FLNB: variants seen among roughly 807,000 people sequenced by gnomAD.
FLNB encodes the protein filamin B, also known as filamin-B.
Under a neutral mutation model 250.6 loss-of-function variants are expected in FLNB, and 111 were observed. The ratio of observed to expected loss-of-function variants is 0.44; its 90% CI spans 0.38 to 0.52. FLNB has a LOEUF of 0.52. FLNB is among the 20% of genes least tolerant of loss of function. The pLI is 0.00. For synonymous variants in FLNB, 1,302 were observed against 1,372.1 expected, an observed-to-expected ratio of 0.95 and a Z score of 1.13; for missense variants, 2,869 against 3,447.8, an observed-to-expected ratio of 0.83 and a Z score of 4.20.
chr3:58,146,319 G>T (rs1462037927), intron 33 of FLNB, among the ~76,000 whole-genome samples: 1 of 152,298 alleles, frequency 6.6e-6, no homozygotes, highest in Non-Finnish European at 1.5e-5. Flanking sequence ...GTTTTGGTTG[G>T]TGATGTTTTT....
At chr3:58,161,539 C>G (rs1186272809) in intron 42 of FLNB, among the ~76,000 whole-genome samples, 1 of 152,140 alleles carries the variant, frequency 6.6e-6, no homozygotes, top group Non-Finnish European at 1.5e-5. Context: ...TGAACCCCTA[C>G]AGATGTATGA....
chr3:58,030,344 TG>T (rs1366982759), intron 1 of FLNB, among the ~76,000 whole-genome samples: 1 of 152,226 alleles, frequency 6.6e-6, no homozygotes, highest in Non-Finnish European at 1.5e-5. Context: ...GAGCAAGTTA[TG>T]GGTTTCAGGG....
At chr3:58,167,261 G>A (rs1449765267) in intron 43 of FLNB, among the ~76,000 whole-genome samples, 3 of 152,178 alleles carry the variant, frequency 2.0e-5, no homozygotes, top group African/African-American at 7.2e-5. Flanking sequence ...GCTGCTTGAG[G>A]GGCTTCTTGG....
Position 58,142,826 on chromosome 3 carries a change from G to A in FLNB, c.5284+74G>A, listed in dbSNP as rs2097329301. 1.5e-6 allele frequency: 2 copies of A among 1,293,676 alleles called. No individual in the cohort carries two copies. The highest frequency in any genetic ancestry group is 2.4e-5 in the South Asian group (2 of 83,936). 80.1% of individuals were successfully genotyped at this position (1,293,676 alleles called of 1,614,324 possible). ...CTTCCCAGAATGGTGCTGGGGAGGTGTGTCCACTGTCCCCCAGACCCAGGC... is the reference window on the plus strand; with the variant it reads ...CTTCCCAGAATGGTGCTGGGGAGGTATGTCCACTGTCCCCCAGACCCAGGC... On this transcript the variant is annotated intron_variant, in intron 31 of 45. Transcript: ENST00000295956. This position sits in a 1 kb window ranked among gnomAD's most constrained non-coding sequence, Gnocchi z 4.3.
In FLNB at chr3:58,110,751, G is replaced by A. The variant is rs371214469; in HGVS notation, c.2484+581G>A. ...GTGAGCCACCGTGCCTGGCCACTCA[G>A]CTAATTGTTTTGCATTTTTAGTAGA... On this transcript the variant is annotated intron_variant, in intron 16 of 45. Transcript: ENST00000295956. 1.8e-4 allele frequency among the ~76,000 whole-genome samples: 28 copies of A among 152,268 alleles called. No homozygotes were observed. In the East Asian group the frequency reaches 5.0e-3, roughly 27 times the overall value.
intron 32 of FLNB, 111 bp from the exon 33 acceptor site, chr3:58,145,810 C>A: frequency 7.4e-7 from 1 of 1,345,686 alleles, no homozygotes. Context: ...CATGCCTCTG[C>A]TTAGGAGGCG....
chr3:58,156,190 C>A (rs964756053), intron 41 of FLNB, 115 bp downstream of exon 41: 6 of 758,660 alleles, frequency 7.9e-6, no homozygotes, highest in Non-Finnish European at 1.4e-5. Context: ...CACATTTTGA[C>A]CACAGATGTC....
chr3:58,150,492 T>C, intron 38 of FLNB: 1 of 525,422 alleles, frequency 1.9e-6, no homozygotes. Flanking sequence ...GAAACGTAGA[T>C]ATGCTTTTAG....
At chr3:58,045,357 A>G (rs2106817479) in intron 1 of FLNB, among the ~76,000 whole-genome samples, 1 of 152,332 alleles carries the variant, frequency 6.6e-6, no homozygotes, top group South Asian at 2.1e-4. Context: ...AAGACCATCT[A>G]AAGCAAGCCT....
intron 1 of FLNB, among the ~76,000 whole-genome samples, chr3:58,058,345 C>T (rs547291785): frequency 1.3e-5 from 2 of 152,224 alleles, no homozygotes; most frequent in Admixed American, 6.5e-5. Flanking sequence ...CACATCAGGA[C>T]GACTCCCTCT....
chr3:58,157,345 C>A (rs1174402791), intron 41 of FLNB, among the ~76,000 whole-genome samples: 1 of 152,192 alleles, frequency 6.6e-6, no homozygotes, highest in African/African-American at 2.4e-5. Flanking sequence ...AAAATCCAAT[C>A]TGATGTCTAA....
chr3:58,156,172 C>G (rs2097353112), intron 41 of FLNB, 97 bp downstream of exon 41: 1 of 879,290 alleles, frequency 1.1e-6, no homozygotes. Context: ...GGTGCTGAGG[C>G]CCCTTTTCAC....
chr3:58,113,225 C>T (rs1451483827), intron 18 of FLNB, among the ~76,000 whole-genome samples: 1 of 152,186 alleles, frequency 6.6e-6, no homozygotes, highest in Non-Finnish European at 1.5e-5. Flanking sequence ...CATGTTCACA[C>T]CTCTGGGGTC....
chr3:58,095,991 C>T, intron 5 of FLNB, 150 bp from the exon 6 acceptor site: 3 of 689,970 alleles, frequency 4.3e-6, no homozygotes, highest in Non-Finnish European at 7.9e-6. Flanking sequence ...CAAGCAGTTT[C>T]TCTCTAGGGG....
chr3:58,118,854 T>G lies in FLNB; in HGVS notation c.2746-18T>G. 6.2e-7 allele frequency: 1 copy of G among 1,602,072 alleles called. No homozygotes were observed. Among genetic ancestry groups the G allele is most frequent in the Non-Finnish European group, 8.6e-7 (1 of 1,169,298 alleles). On this transcript the variant is annotated intron_variant, in intron 18 of 45. Coordinates refer to ENST00000295956, the MANE Select transcript of FLNB (RefSeq NM_001457.4). ...TTTTGGTACCCAAAGGTAAACTGAG[T>G]TTTCTCTCTTGTTCCAGGGCAACAT...
At position 58,142,304 on chromosome 3, in the gene FLNB, C is replaced by T. The variant is rs2097328466; in HGVS notation, c.5182-346C>T. Among the ~76,000 whole-genome samples, 1 of 152,210 alleles carries T rather than the reference C, an allele frequency of 6.6e-6. No homozygotes were observed. The highest frequency in any genetic ancestry group is 2.1e-4 in the South Asian group (1 of 4,832). ...GCTACTCTCTGCCACTTAAAATGCA[C>T]CTTCTTTTCCAGGCCACAAGCAACT... On this transcript the variant is annotated intron_variant, in intron 30 of 45. Transcript: ENST00000295956. This position sits in a 1 kb window ranked among gnomAD's most constrained non-coding sequence, Gnocchi z 4.3.
chr3:58,094,689 C>T (rs2097234896), intron 4 of FLNB, 147 bp from the exon 5 acceptor site: 1 of 755,116 alleles, frequency 1.3e-6, no homozygotes, highest in Non-Finnish European at 2.4e-6. Context: ...GCCTGATTTT[C>T]CTTGTCAAGG....
chr3:58,082,704 G>A (rs1364921582), intron 4 of FLNB, among the ~76,000 whole-genome samples: 2 of 151,990 alleles, frequency 1.3e-5, no homozygotes, highest in African/African-American at 4.8e-5. Context: ...CCAGGAGGCA[G>A]AGGTTGCATC....
intron 1 of FLNB, among the ~76,000 whole-genome samples, chr3:58,052,915 G>A (rs2097164704): frequency 6.6e-6 from 1 of 152,204 alleles, no homozygotes; most frequent in Non-Finnish European, 1.5e-5. Flanking sequence ...AGTCTAGTTT[G>A]TGTGCCTCCT....
Sources: gnomAD v4.1 joint callset for allele counts (sites outside exome capture counted in the v4.1 genomes callset) on GRCh38, gnomAD v4.1.1 for gene constraint, Gnocchi (gnomAD v3.1) non-coding constraint, MANE v1.5 for transcripts, NCBI Gene and HGNC (gene_info 2026-07-23, HGNC 2026-07-21) for gene names.